The following SDK1 variants were observed in gnomAD, a reference collection of about 807,000 sequenced individuals.
The protein encoded by SDK1 is sidekick cell adhesion molecule 1.
A neutral mutation model predicts 245.5 loss-of-function variants in SDK1; 157 were observed. The ratio of observed to expected loss-of-function variants is 0.64; its 90% confidence interval spans 0.56 to 0.73. The LOEUF is 0.73. Ranked by LOEUF, SDK1 falls within the 30% of genes least tolerant of loss-of-function variation. SDK1 has a pLI of 0.00. For missense variants in SDK1, 3,583 were observed against 3,002.3 expected, an observed-to-expected ratio of 1.19 and a Z score of -4.52; for synonymous variants, 1,647 against 1,278.5, an observed-to-expected ratio of 1.29 and a Z score of -6.15.
chr7:3,819,938 C>A (rs1184550054), intron 4 of SDK1, among the ~76,000 whole-genome samples: 1 of 152,170 alleles, frequency 6.6e-6, no homozygotes, highest in Non-Finnish European at 1.5e-5. Context: ...TACCAGAATA[C>A]AGATTTTAGA....
At chr7:3,333,198 T>G (rs542815895) in intron 1 of SDK1, among the ~76,000 whole-genome samples, 1 of 152,280 alleles carries the variant, frequency 6.6e-6, no homozygotes, top group South Asian at 2.1e-4. Context: ...GTACCTGATT[T>G]CTACTGAAGG....
At chr7:3,466,102 C>G (rs1445698749) in intron 1 of SDK1, among the ~76,000 whole-genome samples, 3 of 152,010 alleles carry the variant, frequency 2.0e-5, no homozygotes, top group African/African-American at 4.8e-5. Flanking sequence ...TATGCCTTGA[C>G]TACTACCATG....
At chr7:4,048,735 C>T (rs185803483) in intron 17 of SDK1, among the ~76,000 whole-genome samples, 15 of 152,322 alleles carry the variant, frequency 9.8e-5, no homozygotes, top group African/African-American at 3.4e-4. Context: ...AGCATGTCCC[C>T]TAGAAAGGGC....
At chr7:3,527,630 A>G (rs1288567814) in intron 1 of SDK1, among the ~76,000 whole-genome samples, 1 of 151,842 alleles carries the variant, frequency 6.6e-6, no homozygotes, top group Admixed American at 6.6e-5. Flanking sequence ...ATAGTCAGCT[A>G]GGGGGTGAGT....
intron 2 of SDK1, among the ~76,000 whole-genome samples, chr7:3,629,692 G>C (rs571170455): frequency 6.6e-6 from 1 of 152,320 alleles, no homozygotes; most frequent in African/African-American, 2.4e-5. Flanking sequence ...CACAGTATCA[G>C]AGAACAAAGT....
chr7:3,777,600 C>A (rs946669993), intron 4 of SDK1, among the ~76,000 whole-genome samples: 1 of 152,202 alleles, frequency 6.6e-6, no homozygotes, highest in Non-Finnish European at 1.5e-5. Context: ...GCCCCCTCTG[C>A]CAACAGTGTC....
intron 4 of SDK1, among the ~76,000 whole-genome samples, chr7:3,695,806 A>G (rs1334245866): frequency 2.6e-5 from 4 of 152,232 alleles, no homozygotes; most frequent in Non-Finnish European, 4.4e-5. Flanking sequence ...CTGTATGTGC[A>G]GTAGAGGGCA....
intron 1 of SDK1, among the ~76,000 whole-genome samples, chr7:3,454,374 G>A (rs73036757): frequency 0.11 from 14,618 of 129,080 alleles, 866 homozygotes; most frequent in African/African-American, 0.17. Context: ...CGATTTTTTC[G>A]TGTTCCCCAA....
chr7:3,701,236 A>G (rs774962599), intron 4 of SDK1, among the ~76,000 whole-genome samples: 12 of 152,252 alleles, frequency 7.9e-5, no homozygotes, highest in Non-Finnish European at 1.8e-4. Context: ...CCAACAGAAC[A>G]TATACAGCAC....
At chr7:3,530,095 A>G (rs929312019) in intron 1 of SDK1, among the ~76,000 whole-genome samples, 2 of 152,350 alleles carry the variant, frequency 1.3e-5, no homozygotes, top group East Asian at 1.9e-4. Context: ...AAGTATAATC[A>G]AATTATGTCC....
chr7:3,565,353 G>C (rs981148565), intron 1 of SDK1, among the ~76,000 whole-genome samples: 1 of 152,152 alleles, frequency 6.6e-6, no homozygotes, highest in Non-Finnish European at 1.5e-5. Context: ...GATTGAAATG[G>C]AGTTTGAGAG....
At chr7:4,012,392 CTG>C (rs1381263115) in intron 16 of SDK1, among the ~76,000 whole-genome samples, 157 bp downstream of exon 16, 2 of 151,932 alleles carry the variant, frequency 1.3e-5, no homozygotes, top group Non-Finnish European at 2.9e-5. Flanking sequence ...CTGTGGCAAA[CTG>C]GAGTGCACAG....
chr7:4,066,304 G>A (rs10231929), intron 19 of SDK1, among the ~76,000 whole-genome samples: 33,487 of 152,094 alleles, frequency 0.22, 5,126 homozygotes, highest in African/African-American at 0.44. Flanking sequence ...GGGGAAGCAG[G>A]GCCAACCCGG....
chr7:3,826,145 C>T (rs921140483), intron 5 of SDK1, among the ~76,000 whole-genome samples: 3 of 152,186 alleles, frequency 2.0e-5, no homozygotes, highest in African/African-American at 7.2e-5. Flanking sequence ...AGAACTAAGT[C>T]TAGGCCATGG....
At chr7:4,195,002 C>T (rs79636909) in intron 35 of SDK1, among the ~76,000 whole-genome samples, 2,680 of 152,290 alleles carry the variant, frequency 0.018, 37 homozygotes, top group Middle Eastern at 0.031. Flanking sequence ...ACAGTTCTAT[C>T]CTTCTAGACT....
intron 1 of SDK1, among the ~76,000 whole-genome samples, chr7:3,372,055 C>G (rs973063482): frequency 6.6e-6 from 1 of 152,194 alleles, no homozygotes; most frequent in Admixed American, 6.5e-5. Flanking sequence ...TGTTAACATA[C>G]AGTTTACAGG....
chr7:4,055,429 G>A (rs1231995735), intron 19 of SDK1, among the ~76,000 whole-genome samples: 1 of 152,054 alleles, frequency 6.6e-6, no homozygotes, highest in Non-Finnish European at 1.5e-5. Flanking sequence ...GTGATGTCCT[G>A]TTTTTTATTC....
At chr7:3,458,637 G>C (rs908720177) in intron 1 of SDK1, among the ~76,000 whole-genome samples, 1 of 151,896 alleles carries the variant, frequency 6.6e-6, no homozygotes, top group Non-Finnish European at 1.5e-5. Flanking sequence ...TACAATTCCA[G>C]AGTAGGAGGT....
At chr7:4,234,649 C>T (rs1208970026) in intron 41 of SDK1, among the ~76,000 whole-genome samples, 3 of 152,194 alleles carry the variant, frequency 2.0e-5, no homozygotes, top group Admixed American at 1.3e-4. Flanking sequence ...TCAACCCTGG[C>T]CGCACCTTAG....
Sources: gnomAD v4.1 joint callset for allele counts (sites outside exome capture counted in the v4.1 genomes callset) on GRCh38, gnomAD v4.1.1 for gene constraint, MANE v1.5 for transcripts, NCBI Gene and HGNC (gene_info 2026-07-23, HGNC 2026-07-21) for gene names.